The following UBAC2 variants were observed in gnomAD, a reference collection of about 807,000 sequenced individuals.
UBAC2 encodes the protein ubiquitin-associated domain-containing protein 2.
UBAC2 carries 26 observed loss-of-function variants against 44.0 expected under a neutral mutation model. The observed-to-expected ratio is 0.59, with a 90% CI of 0.43 to 0.82. UBAC2 has a LOEUF of 0.82. UBAC2 is among the 40% of genes least tolerant of loss of function. UBAC2 has a pLI of 0.00. For synonymous variants in UBAC2, 155 were observed against 154.3 expected (o/e 1.00, Z -0.04); for missense variants, 329 against 419.4 (o/e 0.78, Z 1.88).
chr13:99,219,966 T>C (rs2043036549), intron 1 of UBAC2, among the ~76,000 whole-genome samples: 1 of 152,230 alleles, frequency 6.6e-6, no homozygotes, highest in Non-Finnish European at 1.5e-5. Flanking sequence ...TGATGGACAT[T>C]GGTTTGTATC....
At chr13:99,312,118 G>T (rs1206911491) in intron 4 of UBAC2, among the ~76,000 whole-genome samples, 2 of 152,200 alleles carry the variant, frequency 1.3e-5, no homozygotes, top group African/African-American at 4.8e-5. Context: ...TTTTGTGTGT[G>T]TTGTATTTTG....
chr13:99,254,813 C>T, intron 4 of UBAC2: 1 of 1,216,056 alleles, frequency 8.2e-7, no homozygotes, highest in Non-Finnish European at 1.2e-6. Context: ...ACAGAATATC[C>T]ATTGACGCCA....
chr13:99,212,562 T>C (rs1406808046), intron 1 of UBAC2, among the ~76,000 whole-genome samples: 1 of 152,220 alleles, frequency 6.6e-6, no homozygotes, highest in East Asian at 1.9e-4. Flanking sequence ...ACATTGACGA[T>C]GCAGATTAAC....
chr13:99,330,328 G>A (rs1377536911), intron 6 of UBAC2, among the ~76,000 whole-genome samples: 2 of 151,476 alleles, frequency 1.3e-5, no homozygotes, highest in Non-Finnish European at 2.9e-5. Context: ...GCTTGGTGGC[G>A]GATGCCTGTA....
At chr13:99,373,923 T>C (rs921345791) in intron 8 of UBAC2, among the ~76,000 whole-genome samples, 7 of 152,370 alleles carry the variant, frequency 4.6e-5, no homozygotes, top group Admixed American at 2.0e-4. Flanking sequence ...TATAATCTTA[T>C]AATTTTCTCT....
chr13:99,287,882 A>G (rs966419146), intron 4 of UBAC2, among the ~76,000 whole-genome samples: 2 of 152,086 alleles, frequency 1.3e-5, no homozygotes, highest in African/African-American at 4.8e-5. Context: ...TAATACATGA[A>G]ATGGCACTTG....
Position 99,296,189 on chromosome 13 carries a change from A to T in UBAC2, c.390-17908A>T, listed in dbSNP as rs202121468. The T allele has an allele frequency of 1.8e-5, 28 of 1,521,194 alleles. No individual in the cohort carries two copies. In the Admixed American group the frequency reaches 6.0e-4, roughly 33 times the overall value. 94.2% of individuals were successfully genotyped at this position (1,521,194 alleles called of 1,614,324 possible). ...CTAGAAAAAAACCAAGAAGGATCAT[A>T]TAAGTAAAAGCATATGTATTCAGTT... On this transcript the variant is annotated intron_variant, in intron 4 of 8. Coordinates refer to ENST00000403766, the MANE Select transcript of UBAC2 (RefSeq NM_001144072.2).
chr13:99,321,531 G>T (rs1439466992), intron 6 of UBAC2, among the ~76,000 whole-genome samples: 1 of 152,104 alleles, frequency 6.6e-6, no homozygotes, highest in Middle Eastern at 3.2e-3. Context: ...GGCTGGTCTC[G>T]AACTCCTGAC....
rs1179093242 is a variant in UBAC2, at chr13:99,316,741, C to T, written c.514-1281C>T. 3.9e-5 allele frequency among the ~76,000 whole-genome samples: 6 copies of T among 152,292 alleles called. No homozygotes were observed. In the East Asian group the frequency reaches 9.7e-4, roughly 25 times the overall value. ...TTACTTTTTCAATGACAAAATGATA[C>T]GCTCTTTTTACTTGCGTATGAGACC... On this transcript the variant is annotated intron_variant, in intron 5 of 8. Coordinates refer to ENST00000403766, the MANE Select transcript of UBAC2 (RefSeq NM_001144072.2).
chr13:99,257,085 TTTCCCTTCCC>T (rs913069224), intron 4 of UBAC2, among the ~76,000 whole-genome samples: 2 of 152,146 alleles, frequency 1.3e-5, no homozygotes, highest in African/African-American at 2.4e-5. Flanking sequence ...CCTTCCTTCC[TTTCCCTTCCC>T]TTCCCTTCCC....
At chr13:99,201,847 G>C (rs1010469740) in intron 1 of UBAC2, among the ~76,000 whole-genome samples, 8 of 152,030 alleles carry the variant, frequency 5.3e-5, no homozygotes, top group Non-Finnish European at 1.0e-4. Context: ...CGAGGTGGGC[G>C]GATCACGAGG....
intron 1 of UBAC2, among the ~76,000 whole-genome samples, chr13:99,230,507 TC>T (rs1333675982): frequency 6.6e-6 from 1 of 152,076 alleles, no homozygotes; most frequent in African/African-American, 2.4e-5. Flanking sequence ...AAATTTATTA[TC>T]CTACAGTTTG....
At chr13:99,242,333 A>AC (rs1188972419) in intron 2 of UBAC2, among the ~76,000 whole-genome samples, 27 of 133,728 alleles carry the variant, frequency 2.0e-4, no homozygotes, top group East Asian at 6.9e-4. Context: ...CGGGGGGCTG[A>AC]CCCCCCCACC....
chr13:99,296,032 G>T lies in UBAC2; in HGVS notation c.390-18065G>T, dbSNP rs764550178. The T allele has an allele frequency of 1.9e-6, 3 of 1,614,168 alleles. No homozygotes were observed. In the Admixed American group the frequency reaches 5.0e-5, roughly 27 times the overall value. On this transcript the variant is annotated intron_variant, in intron 4 of 8. Coordinates refer to ENST00000403766, the MANE Select transcript of UBAC2 (RefSeq NM_001144072.2). ...CGAGCCCAATGATGAAGACGAGGCT[G>T]TAATGCAGAGGCATTACTATCCTGG...
intron 2 of UBAC2, among the ~76,000 whole-genome samples, chr13:99,240,021 C>T (rs976395676): frequency 6.6e-6 from 1 of 152,156 alleles, no homozygotes; most frequent in Non-Finnish European, 1.5e-5. Flanking sequence ...CAGGAAGTAA[C>T]ATGAATTTCA....
At chr13:99,284,221 A>G (rs2043990134) in intron 4 of UBAC2, among the ~76,000 whole-genome samples, 1 of 152,216 alleles carries the variant, frequency 6.6e-6, no homozygotes, top group Non-Finnish European at 1.5e-5. Flanking sequence ...TAAACACACA[A>G]TGCAAAGAAA....
At chr13:99,255,570 T>C (rs774352675) in intron 4 of UBAC2, 2 of 1,614,136 alleles carry the variant, frequency 1.2e-6, no homozygotes, top group Admixed American at 1.7e-5. Context: ...GGTAAAACAC[T>C]GTGAGAGCTC....
chr13:99,237,602 G>A (rs1266295395), intron 1 of UBAC2, among the ~76,000 whole-genome samples: 6 of 152,200 alleles, frequency 3.9e-5, no homozygotes, highest in African/African-American at 7.2e-5. Context: ...CTAATCTATC[G>A]TACGTTTCAA....
intron 6 of UBAC2, among the ~76,000 whole-genome samples, chr13:99,326,955 G>A (rs1213043187): frequency 1.3e-5 from 2 of 152,144 alleles, no homozygotes; most frequent in African/African-American, 2.4e-5. Flanking sequence ...AAACACAATC[G>A]ACAACTTTTT....
Sources: allele counts gnomAD v4.1 joint callset (sites outside exome capture counted in the v4.1 genomes callset), GRCh38; gene constraint gnomAD v4.1.1; transcripts MANE v1.5; gene names NCBI Gene and HGNC (gene_info 2026-07-23, HGNC 2026-07-21).